PRKDC: variants seen among roughly 807,000 people sequenced by gnomAD.
The protein encoded by PRKDC is DNA-dependent protein kinase catalytic subunit.
A neutral mutation model predicts 486.9 loss-of-function variants in PRKDC; 82 were observed. The ratio of observed to expected loss-of-function variants is 0.17; its 90% CI spans 0.14 to 0.20. The LOEUF (loss-of-function observed/expected upper bound fraction) is 0.20, where lower values mean the gene tolerates loss of function less well. Among genes scored for constraint, PRKDC ranks in the 10% least tolerant of loss-of-function variants. PRKDC has a pLI of 1.00. For missense variants in PRKDC, 4,504 were observed against 5,038.2 expected (o/e 0.89, Z 3.21); for synonymous variants, 1,895 against 1,837.0 (o/e 1.03, Z -0.81).
chr8:47,939,962 A>AC (rs1408862329), intron 10 of PRKDC: 7 of 234,344 alleles, frequency 3.0e-5, no homozygotes, highest in Non-Finnish European at 5.7e-5. Flanking sequence ...AAAAAAAAAA[A>AC]AAAAAAAACC....
chr8:47,807,101 T>C (rs1288727404), intron 69 of PRKDC, 36 bp downstream of exon 69: 17 of 1,580,922 alleles, frequency 1.1e-5, no homozygotes, highest in Non-Finnish European at 1.5e-5. Context: ...AGCAAAATCC[T>C]GTGACACAGC....
At position 47,858,568 on chromosome 8, in the gene PRKDC, A is replaced by G. The variant is rs1310049709; in HGVS notation, c.6413T>C (p.Val2138Ala). Reference protein sequence around the residue: ...FLHGKLGNPIVPLNIRLFLAK... With the variant: ...FLHGKLGNPIAPLNIRLFLAK... Reference sequence around the variant, plus strand: ...TAAGAAGAGACGGATATTTAATGGTACTATTGGATTTCCCAGTTTGCCATG... The same window carrying G: ...TAAGAAGAGACGGATATTTAATGGTGCTATTGGATTTCCCAGTTTGCCATG... Residue 2138 changes from valine (V) to alanine (A), a missense_variant, in exon 48 of 86, where the codon GTA becomes GCA. Transcript: ENST00000314191. The G allele has an allele frequency of 1.3e-6, 2 of 1,556,000 alleles. No homozygotes were observed. Among genetic ancestry groups the G allele is most frequent in the Non-Finnish European group, 1.7e-6 (2 of 1,146,006 alleles).
In PRKDC at chr8:47,778,478, G is replaced by A. The variant is rs1333590856; in HGVS notation, c.11834C>T (p.Ala3945Val). 3.1e-6 allele frequency: 5 copies of A among 1,612,694 alleles called. No homozygotes were observed. The highest frequency in any genetic ancestry group is 2.7e-5 in the African/African-American group (2 of 74,884). Residue 3945 changes from alanine (A) to valine (V), a missense_variant, in exon 83 of 86, where the codon GCG (alanine) becomes GTG (valine). Transcript: ENST00000314191. ...GTGCACCTGTGTAGCGGATCCAAAC[G>A]CATGCCCAAAGTCGATCCCGATCAC... ...GGVIGIDFGH[A>V]FGSATQFLPV...
chr8:47,895,516 T>C (rs1208977682), intron 30 of PRKDC, among the ~76,000 whole-genome samples: 4 of 152,122 alleles, frequency 2.6e-5, no homozygotes, highest in Non-Finnish European at 5.9e-5. Context: ...AGAAATCCTA[T>C]GTGCTACCAG....
At position 47,860,989 on chromosome 8, in the gene PRKDC, TAAAC is replaced by T; in HGVS notation, c.5986-22_5986-19del. The stretch of plus-strand genomic sequence containing the variant: ...ATAGGAACCTATTGGGAAGAACAAA[TAAAC>T]AATGTAAAACATTTTATAATAATAG... On this transcript the variant is annotated intron_variant, in intron 44 of 85. Coordinates refer to ENST00000314191, the MANE Select transcript of PRKDC (RefSeq NM_006904.7). The T allele has an allele frequency of 1.3e-6, 2 of 1,505,848 alleles. No individual in the cohort carries two copies. The highest frequency in any genetic ancestry group is 2.3e-5 in the East Asian group (1 of 43,254). 93.3% of individuals were successfully genotyped at this position (1,505,848 alleles called of 1,614,324 possible). A position where few individuals can be genotyped will look rare whatever the true frequency, so the allele number is the denominator to read the frequency against.
intron 1 of PRKDC, 68 bp from the exon 2 acceptor site, chr8:47,957,499 G>A (rs1171645834): frequency 1.2e-5 from 15 of 1,258,500 alleles, no homozygotes; most frequent in Non-Finnish European, 1.7e-5. Context: ...CTCCTAAAGG[G>A]GTTGCAATGA....
At chr8:47,815,029 G>A (rs938756949) in intron 68 of PRKDC, among the ~76,000 whole-genome samples, 1 of 152,134 alleles carries the variant, frequency 6.6e-6, no homozygotes, top group African/African-American at 2.4e-5. Flanking sequence ...AGCCAGGCAT[G>A]GTGGCGCACG....
At chr8:47,880,245 C>T (rs2089184275) in intron 38 of PRKDC, among the ~76,000 whole-genome samples, 1 of 152,202 alleles carries the variant, frequency 6.6e-6, no homozygotes, top group Non-Finnish European at 1.5e-5. Context: ...TATGTGCTTC[C>T]TCTTCTACAA....
chr8:47,955,671 T>C (rs1330478815), intron 4 of PRKDC, among the ~76,000 whole-genome samples: 1 of 152,100 alleles, frequency 6.6e-6, no homozygotes, highest in African/African-American at 2.4e-5. Flanking sequence ...AGAATTCTTC[T>C]TTTACTACCC....
intron 68 of PRKDC, among the ~76,000 whole-genome samples, chr8:47,807,969 C>G (rs1215535977): frequency 6.6e-6 from 1 of 152,048 alleles, no homozygotes; most frequent in African/African-American, 2.4e-5. Context: ...CTTGGGTCAC[C>G]TGCCTTGGGC....
In PRKDC at chr8:47,820,794, A is replaced by C; in HGVS notation, c.9261T>G (p.Ser3087Arg). 6.2e-7 allele frequency: 1 copy of C among 1,612,436 alleles called. No homozygotes were observed. Among genetic ancestry groups the C allele is most frequent in the Non-Finnish European group, 8.5e-7 (1 of 1,178,992 alleles). ...CATCATCTTGCAGGAGGTAAAGCAG[A>C]CTCAGCTCTTGACTGTAATGAAGCT... is the stretch of plus-strand genomic sequence containing the variant. ...ILELHYSQELSLLYLLQDDVD... is the reference protein window; with the variant it reads ...ILELHYSQELRLLYLLQDDVD... Residue 3087 changes from serine (S) to arginine (R), a missense_variant, in exon 66 of 86, where the codon AGT becomes AGG. Transcript: ENST00000314191.
chr8:47,778,799 C>G lies in PRKDC; in HGVS notation c.11580G>C (p.Lys3860Asn). 6.2e-7 allele frequency: 1 copy of G among 1,612,158 alleles called. No individual in the cohort carries two copies. Among genetic ancestry groups the G allele is most frequent in the Non-Finnish European group, 8.5e-7 (1 of 1,179,218 alleles). The change falls in exon 82 of 86, where the codon AAG becomes AAC. Residue 3860 changes from lysine to asparagine, a missense_variant and splice_region_variant. Physicochemically the swap from Lys to Asn is moderately conservative, Grantham distance 94 (BLOSUM62 0). Around this residue, in one of 6 missense-constraint regions of PRKDC, gnomAD observed 706 missense variants for 945.0 expected, o/e 0.75. Coordinates refer to ENST00000314191, the MANE Select transcript of PRKDC (RefSeq NM_006904.7). ...TGACTGTTTCAGTACGATTAGCGCC[C>G]CTATGATTTAATAATAGAAACATCT... ...HDVGAYMLMY[K>N]GANRTETVTS...
rs575674401 is a variant in PRKDC, at chr8:47,893,288, G to C, written c.3698C>G (p.Ser1233Trp). Residue 1233 changes from serine to tryptophan, a missense_variant, in exon 31 of 86, where the codon TCG (serine) becomes TGG (tryptophan). Physicochemically the swap from Ser to Trp is radical, Grantham distance 177 (BLOSUM62 -3). Around this residue, in one of 6 missense-constraint regions of PRKDC, gnomAD observed 1,969 missense variants for 2,068.9 expected, o/e 0.95. Coordinates refer to ENST00000314191, the MANE Select transcript of PRKDC (RefSeq NM_006904.7). Reference sequence around the variant, plus strand: ...GAGGGTGGGCTGGGCCAGGATGCCCGAGGGCTGGCCACAGCCACCCCCCTC... The same window carrying C: ...GAGGGTGGGCTGGGCCAGGATGCCCCAGGGCTGGCCACAGCCACCCCCCTC... The part of the protein sequence containing the change: ...TFEGGGCGQP[S>W]GILAQPTLLY... The C allele has an allele frequency of 2.5e-6, 4 of 1,610,574 alleles. No homozygotes were observed. The highest frequency in any genetic ancestry group is 2.5e-6 in the Non-Finnish European group (3 of 1,177,852).
intron 3 of PRKDC, among the ~76,000 whole-genome samples, chr8:47,956,901 A>G (rs1447600490): frequency 6.8e-6 from 1 of 147,566 alleles, no homozygotes; most frequent in Admixed American, 7.0e-5. Flanking sequence ...AAAAATTATC[A>G]AAGTAGTTTC....
intron 25 of PRKDC, among the ~76,000 whole-genome samples, chr8:47,910,228 C>A (rs1462256400): frequency 6.6e-6 from 1 of 152,154 alleles, no homozygotes; most frequent in South Asian, 2.1e-4. Context: ...CATCCACTGA[C>A]CCTGACCCTG....
At chr8:47,781,185 G>A (rs2086692983) in intron 80 of PRKDC, among the ~76,000 whole-genome samples, 2 of 152,224 alleles carry the variant, frequency 1.3e-5, no homozygotes, top group South Asian at 4.1e-4. Flanking sequence ...TTGTCAGGCA[G>A]AGCCTCAGTG....
At chr8:47,806,065 A>G (rs1244619737) in intron 69 of PRKDC, among the ~76,000 whole-genome samples, 2 of 152,124 alleles carry the variant, frequency 1.3e-5, no homozygotes, top group Non-Finnish European at 2.9e-5. Context: ...AAATCCTTCC[A>G]TGCCCATAAA....
intron 31 of PRKDC, among the ~76,000 whole-genome samples, chr8:47,890,686 T>C (rs2089438908): frequency 6.6e-6 from 1 of 152,218 alleles, no homozygotes; most frequent in Non-Finnish European, 1.5e-5. Context: ...GAAAGTCAGG[T>C]CTTTATTCCC....
At position 47,774,236 on chromosome 8, in the gene PRKDC, C is replaced by G; in HGVS notation, c.12324G>C (p.Met4108Ile). ...LSEETQVKCL[M>I]DQATDPNILG... ...GGATGTTGGGGTCTGTTGCCTGGTCCATCAGGCACTTCACTTGAGTCTCTT... is the reference window on the plus strand; with the variant it reads ...GGATGTTGGGGTCTGTTGCCTGGTCGATCAGGCACTTCACTTGAGTCTCTT... The change falls in exon 86 of 86, where the codon ATG (methionine) becomes ATC (isoleucine). Residue 4108 changes from methionine (M) to isoleucine (I), a missense_variant. This residue lies in a region of PRKDC where 706 missense variants were observed against 945.0 expected (regional missense o/e 0.75). Coordinates refer to ENST00000314191, the MANE Select transcript of PRKDC (RefSeq NM_006904.7). 5 of 1,602,908 alleles carry G rather than the reference C, an allele frequency of 3.1e-6. No homozygotes were observed. The highest frequency in any genetic ancestry group is 4.3e-6 in the Non-Finnish European group (5 of 1,174,796).
Sources: allele counts gnomAD v4.1 joint callset (sites outside exome capture counted in the v4.1 genomes callset), GRCh38; gene constraint gnomAD v4.1.1; regional missense constraint gnomAD v4.1.1; transcripts MANE v1.5; gene names NCBI Gene and HGNC (gene_info 2026-07-23, HGNC 2026-07-21).